The following NDST4 variants were observed in gnomAD, a reference collection of about 807,000 sequenced individuals.
The protein encoded by NDST4 is N-heparan sulfate sulfotransferase 4.
A neutral mutation model predicts 100.8 loss-of-function variants in NDST4; 63 were observed. That is an observed-to-expected ratio of 0.62 (90% confidence interval 0.51 to 0.77). The LOEUF (loss-of-function observed/expected upper bound fraction) is 0.77, where lower values mean the gene tolerates loss of function less well. NDST4 is among the 30% of genes least tolerant of loss of function. NDST4 has a pLI of 0.00. For synonymous variants in NDST4, 377 were observed against 361.8 expected, an observed-to-expected ratio of 1.04 and a Z score of -0.48; for missense variants, 943 against 1,018.4, an observed-to-expected ratio of 0.93 and a Z score of 1.01.
At chr4:115,015,755 C>T (rs969076964) in intron 2 of NDST4, among the ~76,000 whole-genome samples, 4 of 151,986 alleles carry the variant, frequency 2.6e-5, no homozygotes, top group Non-Finnish European at 4.4e-5. Context: ...AACAAAGTGG[C>T]CATGGTGGCA....
intron 4 of NDST4, among the ~76,000 whole-genome samples, chr4:114,945,142 G>A (rs149041789): frequency 2.2e-4 from 31 of 140,408 alleles, no homozygotes; most frequent in African/African-American, 7.6e-4. Flanking sequence ...CTGAGAGGCC[G>A]GGTTGTGGTG....
At position 114,889,357 on chromosome 4, in the gene NDST4, A is replaced by T. The variant is rs189058016; in HGVS notation, c.1537-18407T>A. On this transcript the variant is annotated intron_variant, in intron 6 of 13. Coordinates refer to ENST00000264363, the MANE Select transcript of NDST4 (RefSeq NM_022569.3). ...GAATATACAAATTATATAACTGGTT[A>T]TTGCTTATCAAATATTAAAGAGATG... Among the ~76,000 whole-genome samples the T allele has an allele frequency of 1.8e-3, 267 of 152,298 alleles. 1 individual carries two copies. The highest frequency in any genetic ancestry group is 5.8e-3 in the African/African-American group (243 of 41,578).
chr4:114,880,041 T>A (rs1322176293), intron 6 of NDST4, among the ~76,000 whole-genome samples: 1 of 152,144 alleles, frequency 6.6e-6, no homozygotes, highest in Non-Finnish European at 1.5e-5. Flanking sequence ...CCGACCTTCC[T>A]CAATAGAGAA....
chr4:114,883,911 CA>C (rs1560794244), intron 6 of NDST4, among the ~76,000 whole-genome samples: 1 of 152,120 alleles, frequency 6.6e-6, no homozygotes, highest in African/African-American at 2.4e-5. Flanking sequence ...GCTGATCTGA[CA>C]GAGGCATATT....
intron 2 of NDST4, among the ~76,000 whole-genome samples, chr4:115,015,424 G>T (rs879453672): frequency 6.6e-6 from 1 of 152,124 alleles, no homozygotes; most frequent in Non-Finnish European, 1.5e-5. Context: ...TCATCTAGTT[G>T]TTCATTTTGT....
intron 3 of NDST4, among the ~76,000 whole-genome samples, chr4:114,972,651 A>C (rs1031738465): frequency 6.6e-6 from 1 of 152,058 alleles, no homozygotes; most frequent in African/African-American, 2.4e-5. Context: ...GATTAGAAAG[A>C]GTTACATTAT....
At chr4:114,988,377 T>TTTTTTTTG (rs1477006738) in intron 2 of NDST4, among the ~76,000 whole-genome samples, 1 of 144,174 alleles carries the variant, frequency 6.9e-6, no homozygotes, top group African/African-American at 2.6e-5. Flanking sequence ...TTTTTTTTTT[T>TTTTTTTTG]TTGAGACAGA....
At chr4:115,001,574 A>G (rs1727291062) in intron 2 of NDST4, among the ~76,000 whole-genome samples, 1 of 152,026 alleles carries the variant, frequency 6.6e-6, no homozygotes, top group Non-Finnish European at 1.5e-5. Flanking sequence ...CCAAAGAAAA[A>G]TGACTCCCTG....
rs376594253 is a variant in NDST4 at position 115,007,582 on chromosome 4, C to A, written c.979-30308G>T. On this transcript the variant is annotated intron_variant, in intron 2 of 13. Coordinates refer to ENST00000264363, the MANE Select transcript of NDST4 (RefSeq NM_022569.3). ...AAGTAGGGTGAGCTGAGAATTCCAA[C>A]AGAAAGCTGGAATGATGATACAACC... is the stretch of plus-strand genomic sequence containing the variant. 2.4e-4 allele frequency among the ~76,000 whole-genome samples: 16 copies of A among 67,200 alleles called. 5 individuals carry two copies. In the South Asian group the frequency reaches 5.2e-3, roughly 22 times the overall value. The allele number at this position is 67,200 out of a possible 152,430, so 44.1% of individuals were successfully genotyped here.
chr4:114,919,525 G>A (rs1445099461), intron 6 of NDST4, among the ~76,000 whole-genome samples: 2 of 152,074 alleles, frequency 1.3e-5, no homozygotes, highest in African/African-American at 4.8e-5. Context: ...AAACAATCCT[G>A]GCATGTATGA....
intron 2 of NDST4, among the ~76,000 whole-genome samples, chr4:114,989,694 C>G (rs1209746095): frequency 6.6e-6 from 1 of 152,092 alleles, no homozygotes; most frequent in African/African-American, 2.4e-5. Context: ...AGGAGAAAAA[C>G]AGGTTAGCCA....
chr4:114,868,655 A>C (rs1482863660), intron 7 of NDST4, among the ~76,000 whole-genome samples: 1 of 151,916 alleles, frequency 6.6e-6, no homozygotes, highest in Non-Finnish European at 1.5e-5. Context: ...AAATGTTTGC[A>C]ACTTTAAAAT....
chr4:114,828,266 G>A (rs896105331), intron 13 of NDST4, among the ~76,000 whole-genome samples: 3 of 152,060 alleles, frequency 2.0e-5, no homozygotes, highest in African/African-American at 7.2e-5. Context: ...GGGACTGCAT[G>A]AGGAATGAAA....
chr4:115,067,071 C>T (rs1728964506), intron 2 of NDST4, among the ~76,000 whole-genome samples: 1 of 152,164 alleles, frequency 6.6e-6, no homozygotes, highest in South Asian at 2.1e-4. Flanking sequence ...ATGCTCATTC[C>T]CGCAAGCCCG....
intron 6 of NDST4, among the ~76,000 whole-genome samples, chr4:114,873,752 G>A (rs989707857): frequency 6.6e-6 from 1 of 152,022 alleles, no homozygotes; most frequent in East Asian, 1.9e-4. Context: ...TGTCACTACT[G>A]TAATTAAGAA....
At chr4:114,994,977 G>T (rs549278628) in intron 2 of NDST4, among the ~76,000 whole-genome samples, 1 of 152,056 alleles carries the variant, frequency 6.6e-6, no homozygotes, top group African/African-American at 2.4e-5. Flanking sequence ...CAGGAAGTCT[G>T]AAATTTTATC....
intron 6 of NDST4, among the ~76,000 whole-genome samples, chr4:114,910,139 T>C (rs35995903): frequency 0.21 from 31,265 of 152,058 alleles, 5,496 homozygotes; most frequent in African/African-American, 0.48. Context: ...TGATCACAGG[T>C]TGGATTCTGT....
intron 1 of NDST4, among the ~76,000 whole-genome samples, chr4:115,086,028 T>C (rs1729403669): frequency 6.6e-6 from 1 of 152,146 alleles, no homozygotes; most frequent in South Asian, 2.1e-4. Flanking sequence ...TCAAAAGTGT[T>C]TGAGGAGCAC....
At chr4:114,860,433 T>C (rs1052844296) in intron 7 of NDST4, among the ~76,000 whole-genome samples, 2 of 152,206 alleles carry the variant, frequency 1.3e-5, no homozygotes, top group African/African-American at 4.8e-5. Context: ...CTTTCTTCAA[T>C]GTAGCTTTCT....
Sources: gnomAD v4.1 joint callset for allele counts (sites outside exome capture counted in the v4.1 genomes callset) on GRCh38, gnomAD v4.1.1 for gene constraint, MANE v1.5 for transcripts, NCBI Gene and HGNC (gene_info 2026-07-23, HGNC 2026-07-21) for gene names.